Variants in KRT12 observed in about 807,000 individuals in gnomAD.
KRT12 encodes the protein keratin, type I cytoskeletal 12.
Under a neutral mutation model 50.2 loss-of-function variants are expected in KRT12, and 43 were observed. The observed-to-expected ratio is 0.86, with a 90% confidence interval of 0.67 to 1.11. The LOEUF (loss-of-function observed/expected upper bound fraction) is 1.11. Ranked by LOEUF, KRT12 falls within the 50% of genes least tolerant of loss-of-function variation. The probability of loss-of-function intolerance (pLI) is 0.00; values close to 1 mark genes in which losing one functional copy is unlikely to be tolerated. For synonymous variants in KRT12, 257 were observed against 253.6 expected (o/e 1.01, Z -0.13); for missense variants, 588 against 625.6 (o/e 0.94, Z 0.64).
In KRT12 at chr17:40,863,528, G is replaced by C. The variant is rs1906884345; in HGVS notation, c.1052C>G (p.Ala351Gly). ...SKSEVTDLRR[A>G]FQNLEIELQS... is the part of the protein sequence containing the mutation. ...TAGCTCGATCTCCAGGTTCTGAAAG[G>C]CGCGACGCAGGTCGGTGACCTCGCT... The change falls in exon 5 of 8, where the codon GCC becomes GGC. Residue 351 changes from alanine (A) to glycine (G), a missense_variant. Coordinates refer to ENST00000251643, the MANE Select transcript of KRT12 (RefSeq NM_000223.4). This position sits in a 1 kb window ranked among gnomAD's most constrained non-coding sequence, Gnocchi z 4.2. 1 of 1,614,130 alleles carries C rather than the reference G, an allele frequency of 6.2e-7. No homozygotes were observed. Among genetic ancestry groups the C allele is most frequent in the Non-Finnish European group, 8.5e-7 (1 of 1,180,056 alleles).
At position 40,866,823 on chromosome 17, in the gene KRT12, A is replaced by G. The variant is rs777860918; in HGVS notation, c.364T>C (p.Ser122Pro). Residue 122 changes from serine (S) to proline (P), a missense_variant, in exon 1 of 8, where the codon TCT (serine) becomes CCT (proline). Ser to Pro is a moderately conservative substitution (Grantham distance 74). Coordinates refer to ENST00000251643, the MANE Select transcript of KRT12 (RefSeq NM_000223.4). Reference sequence around the variant, plus strand: ...TGCATAGTTTCTTTTTCTGATCCAGAAAGAAGGCCTCCATCATTGCCCGAG... The same window carrying G: ...TGCATAGTTTCTTTTTCTGATCCAGGAAGAAGGCCTCCATCATTGCCCGAG... ...ILSGNDGGLLSGSEKETMQNL... is the reference protein window; with the variant it reads ...ILSGNDGGLLPGSEKETMQNL... 2.8e-5 allele frequency: 45 copies of G among 1,614,078 alleles called. No individual in the cohort carries two copies. The highest frequency in any genetic ancestry group is 3.3e-5 in the Admixed American group (2 of 60,002).
intron 7 of KRT12, among the ~76,000 whole-genome samples, chr17:40,862,314 C>T (rs1250955120): frequency 6.6e-6 from 1 of 152,086 alleles, no homozygotes; most frequent in Non-Finnish European, 1.5e-5. Context: ...CTCAAGCGAT[C>T]CTCCCACCTC....
intron 7 of KRT12, among the ~76,000 whole-genome samples, chr17:40,862,332 C>T (rs985274651): frequency 6.6e-6 from 1 of 152,138 alleles, no homozygotes; most frequent in African/African-American, 2.4e-5. Context: ...CTCAGGTTCC[C>T]GAAGCTATGA....
At chr17:40,866,102 A>C in intron 2 of KRT12, 53 bp downstream of exon 2, 1 of 1,319,328 alleles carries the variant, frequency 7.6e-7, no homozygotes, top group Non-Finnish European at 1.1e-6. Context: ...GCAGGACAGT[A>C]GGACAGAAGA....
At position 40,866,222 on chromosome 17, in the gene KRT12, T is replaced by A. The variant is rs370782072; in HGVS notation, c.583A>T (p.Ile195Phe). ...DLRNKIISAS[I>F]GNAQLLLQID... ...TGCAAGAGGAGCTGGGCATTTCCAATGCTGGCTGAAATGATCTGGCAAAAG... is the reference window on the plus strand; with the variant it reads ...TGCAAGAGGAGCTGGGCATTTCCAAAGCTGGCTGAAATGATCTGGCAAAAG... The change falls in exon 2 of 8, where the codon ATT becomes TTT. Residue 195 changes from isoleucine to phenylalanine, a missense_variant. Transcript: ENST00000251643. The A allele has an allele frequency of 1.5e-4, 248 of 1,613,982 alleles. No individual in the cohort carries two copies. Among genetic ancestry groups the A allele is most frequent in the Non-Finnish European group, 2.0e-4 (234 of 1,179,988 alleles).
At position 40,863,260 on chromosome 17, in the gene KRT12, G is replaced by C; in HGVS notation, c.1179C>G (p.Asn393Lys). Residue 393 changes from asparagine (N) to lysine (K), a missense_variant, in exon 6 of 8, where the codon AAC becomes AAG. Transcript: ENST00000251643. This position sits in a 1 kb window ranked among gnomAD's most constrained non-coding sequence, Gnocchi z 4.2. The part of the protein sequence containing the change: ...QLSQVQQLIS[N>K]LEAQLLQVRA... ...GCACCTGGAGCAGCTGTGCCTCCAG[G>C]TTGCTGATGAGCTGCTGCACCTGGG... is the stretch of plus-strand genomic sequence containing the variant. 1 of 1,614,018 alleles carries C rather than the reference G, an allele frequency of 6.2e-7. No homozygotes were observed. Among genetic ancestry groups the C allele is most frequent in the South Asian group, 1.1e-5 (1 of 91,080 alleles).
In KRT12 at chr17:40,861,381, C is replaced by T. The variant is rs554598449; in HGVS notation, c.*280G>A. 2.6e-5 allele frequency: 12 copies of T among 453,102 alleles called. No homozygotes were observed. The highest frequency in any genetic ancestry group is 4.1e-5 in the East Asian group (1 of 24,396). 28.1% of individuals were successfully genotyped at this position (453,102 alleles called of 1,614,324 possible). A position where few individuals can be genotyped will look rare whatever the true frequency, so the allele number is the denominator to read the frequency against. ...AAAGCTCTATGATTAAAAAATATTC[C>T]GGGTTACCAGAAGAAAGTTCGTTAA... On this transcript the variant is annotated 3_prime_UTR_variant, in exon 8 of 8. Coordinates refer to ENST00000251643, the MANE Select transcript of KRT12 (RefSeq NM_000223.4).
In KRT12 at chr17:40,861,616, T is replaced by C; in HGVS notation, c.*45A>G. ...AAAGGAATAATTTCTACTTGTAAATTTCTTGTTCCTAAGGAACCAATCATG... is the reference window on the plus strand; with the variant it reads ...AAAGGAATAATTTCTACTTGTAAATCTCTTGTTCCTAAGGAACCAATCATG... On this transcript the variant is annotated 3_prime_UTR_variant, in exon 8 of 8. Coordinates refer to ENST00000251643, the MANE Select transcript of KRT12 (RefSeq NM_000223.4). 8.5e-7 allele frequency: 1 copy of C among 1,169,754 alleles called. No homozygotes were observed. The highest frequency in any genetic ancestry group is 1.3e-6 in the Non-Finnish European group (1 of 774,450). 72.5% of individuals were successfully genotyped at this position (1,169,754 alleles called of 1,614,324 possible).
chr17:40,866,913 C>T lies in KRT12; in HGVS notation c.274G>A (p.Gly92Ser). 1.9e-6 allele frequency: 3 copies of T among 1,613,858 alleles called. No homozygotes were observed. Among genetic ancestry groups the T allele is most frequent in the Non-Finnish European group, 2.5e-6 (3 of 1,179,936 alleles). ...GAGYGRALGG[G>S]SFGGLGMGFG... ...CCCATCCCCAGCCCTCCAAAGCTACCTCCACCCAGGGCTCTCCCATAACCA... is the reference window on the plus strand; with the variant it reads ...CCCATCCCCAGCCCTCCAAAGCTACTTCCACCCAGGGCTCTCCCATAACCA... The change falls in exon 1 of 8, where the codon GGT (glycine) becomes AGT (serine). Residue 92 changes from glycine (G) to serine (S), a missense_variant. Gly to Ser is a moderately conservative substitution (Grantham distance 56). Coordinates refer to ENST00000251643, the MANE Select transcript of KRT12 (RefSeq NM_000223.4).
Position 40,867,120 on chromosome 17 carries a change from A to T in KRT12, c.67T>A (p.Ser23Thr), listed in dbSNP as rs1416567493. 6.2e-7 allele frequency: 1 copy of T among 1,613,536 alleles called. No individual in the cohort carries two copies. Among genetic ancestry groups the T allele is most frequent in the Non-Finnish European group, 8.5e-7 (1 of 1,180,038 alleles). ...CTGGGTCTGCCTATCACACTCTGCG[A>T]GGAGAGCCGCCGGGACAGTCCGGGG... is the stretch of plus-strand genomic sequence containing the variant. ...RTPGLSRRLS[S>T]QSVIGRPRGM... Residue 23 changes from serine (S) to threonine (T), a missense_variant, in exon 1 of 8, where the codon TCG becomes ACG. Physicochemically the swap from Ser to Thr is moderately conservative, Grantham distance 58 (BLOSUM62 1). Transcript: ENST00000251643.
intron 7 of KRT12, 127 bp from the exon 8 acceptor site, chr17:40,861,885 A>T: frequency 1.4e-6 from 1 of 711,138 alleles, no homozygotes; most frequent in Non-Finnish European, 2.5e-6. Context: ...AACTTTCAAA[A>T]GTAAATTTTA....
intron 1 of KRT12, 151 bp from the exon 2 acceptor site, chr17:40,866,388 A>G: frequency 2.7e-6 from 2 of 736,512 alleles, no homozygotes; most frequent in Non-Finnish European, 4.6e-6. Flanking sequence ...CAATATCTGT[A>G]TAAAATAATA....
chr17:40,861,583 T>C lies in KRT12; in HGVS notation c.*78A>G. 1 of 909,176 alleles carries C rather than the reference T, an allele frequency of 1.1e-6. No homozygotes were observed. Among genetic ancestry groups the C allele is most frequent in the East Asian group, 2.4e-5 (1 of 41,610 alleles). The allele number at this position is 909,176 out of a possible 1,614,324, so 56.3% of individuals were successfully genotyped here. A position where few individuals can be genotyped will look rare whatever the true frequency, so the allele number is the denominator to read the frequency against. On this transcript the variant is annotated 3_prime_UTR_variant, in exon 8 of 8. Coordinates refer to ENST00000251643, the MANE Select transcript of KRT12 (RefSeq NM_000223.4). ...ATAGGGATTGAAGTAATACAGCATG[T>C]TACTCTGAAAGGAATAATTTCTACT...
Position 40,863,291 on chromosome 17 carries a change from T to G in KRT12, c.1148A>C (p.Gln383Pro). ...LAEAEGDYCA[Q>P]LSQVQQLISN... Reference sequence around the variant, plus strand: ...GATGAGCTGCTGCACCTGGGACAGCTGCGCGCAGTAATCGCCCTCGGCTTC... The same window carrying G: ...GATGAGCTGCTGCACCTGGGACAGCGGCGCGCAGTAATCGCCCTCGGCTTC... Residue 383 changes from glutamine to proline, a missense_variant, in exon 6 of 8, where the codon CAG becomes CCG. Transcript: ENST00000251643. The surrounding 1 kb of genome is among the most constrained non-coding windows in gnomAD (Gnocchi z 4.2). 1 of 1,614,022 alleles carries G rather than the reference T, an allele frequency of 6.2e-7. No individual in the cohort carries two copies. The highest frequency in any genetic ancestry group is 1.6e-4 in the Middle Eastern group (1 of 6,062).
At chr17:40,864,491 C>CT (rs1176371653) in intron 3 of KRT12, among the ~76,000 whole-genome samples, 3 of 152,198 alleles carry the variant, frequency 2.0e-5, no homozygotes, top group African/African-American at 7.2e-5. Context: ...AATACTCAGT[C>CT]TTTTTAAAAT....
rs371692347 is a variant in KRT12 at position 40,863,885 on chromosome 17, A to T, written c.808-21T>A. Reference sequence around the variant, plus strand: ...AGCTCCTGGGGACAGCATGTGAGAGAGAGGGGCACAGGGGTCCATTGTGAC... The same window carrying T: ...AGCTCCTGGGGACAGCATGTGAGAGTGAGGGGCACAGGGGTCCATTGTGAC... On this transcript the variant is annotated intron_variant, in intron 3 of 7. Coordinates refer to ENST00000251643, the MANE Select transcript of KRT12 (RefSeq NM_000223.4). The surrounding 1 kb of genome is among the most constrained non-coding windows in gnomAD (Gnocchi z 4.2). 1.9e-6 allele frequency: 3 copies of T among 1,571,814 alleles called. No homozygotes were observed. Among genetic ancestry groups the T allele is most frequent in the Admixed American group, 1.8e-5 (1 of 55,422 alleles).
rs1293563005 is a variant in KRT12 at position 40,861,308 on chromosome 17, A to G, written c.*353T>C. 2 of 266,740 alleles carry G rather than the reference A, an allele frequency of 7.5e-6. No homozygotes were observed. Among genetic ancestry groups the G allele is most frequent in the Non-Finnish European group, 1.4e-5 (2 of 138,880 alleles). 16.5% of individuals were successfully genotyped at this position (266,740 alleles called of 1,614,324 possible). ...AAGGCATACATTTCACATTATTACC[A>G]TTCATCTTTTATTACAATTAACTCT... On this transcript the variant is annotated 3_prime_UTR_variant, in exon 8 of 8. Transcript: ENST00000251643.
Position 40,861,453 on chromosome 17 carries a change from A to T in KRT12, c.*208T>A, listed in dbSNP as rs1906799446. On this transcript the variant is annotated 3_prime_UTR_variant, in exon 8 of 8. Transcript: ENST00000251643. The stretch of plus-strand genomic sequence containing the variant: ...GGATATAAGGTAATTTTGATTTGTT[A>T]CAAAGACCAACATGACCAAAATGAC... 1.7e-6 allele frequency: 1 copy of T among 592,904 alleles called. No individual in the cohort carries two copies. Among genetic ancestry groups the T allele is most frequent in the Non-Finnish European group, 3.0e-6 (1 of 332,816 alleles). The allele number at this position is 592,904 out of a possible 1,614,324, so 36.7% of individuals were successfully genotyped here.
chr17:40,862,749 G>A lies in KRT12; in HGVS notation c.1317-114C>T, dbSNP rs1906848798. On this transcript the variant is annotated intron_variant, in intron 6 of 7. Transcript: ENST00000251643. The stretch of plus-strand genomic sequence containing the variant: ...TTGTAGGCCTGAGTTCTTCCAACTA[G>A]TGCAGACTCTGATCACTTTTGGAAA... The A allele has an allele frequency of 4.9e-6, 4 of 815,242 alleles. No homozygotes were observed. In the East Asian group the frequency reaches 7.3e-5, roughly 15 times the overall value. 50.5% of individuals were successfully genotyped at this position (815,242 alleles called of 1,614,324 possible).
Sources: gnomAD v4.1 joint callset for allele counts (sites outside exome capture counted in the v4.1 genomes callset) on GRCh38, gnomAD v4.1.1 for gene constraint, Gnocchi (gnomAD v3.1) non-coding constraint, MANE v1.5 for transcripts, NCBI Gene and HGNC (gene_info 2026-07-23, HGNC 2026-07-21) for gene names.